The following TMEM165 variants were observed in gnomAD, a reference collection of about 807,000 sequenced individuals.
The protein encoded by TMEM165 is transmembrane protein 165.
Under a neutral mutation model 30.0 loss-of-function variants are expected in TMEM165, and 19 were observed. The ratio of observed to expected loss-of-function variants is 0.63; its 90% CI spans 0.44 to 0.93. The LOEUF (loss-of-function observed/expected upper bound fraction) is 0.93. TMEM165 is among the 40% of genes least tolerant of loss of function. TMEM165 has a pLI of 0.00. For missense variants in TMEM165, 340 were observed against 417.0 expected, an observed-to-expected ratio of 0.82 and a Z score of 1.61; for synonymous variants, 168 against 162.9, an observed-to-expected ratio of 1.03 and a Z score of -0.24.
At chr4:55,446,603 C>A (rs1462503271) in intron 3 of TMEM165, among the ~76,000 whole-genome samples, 1 of 152,088 alleles carries the variant, frequency 6.6e-6, no homozygotes, top group Non-Finnish European at 1.5e-5. Flanking sequence ...AATGAATAAA[C>A]GCATACATGA....
chr4:55,396,496 G>C (rs893667642), intron 1 of TMEM165, 100 bp downstream of exon 1: 2 of 1,082,298 alleles, frequency 1.8e-6, no homozygotes, highest in Non-Finnish European at 1.2e-6. Flanking sequence ...GGCCTCGGCT[G>C]GGGGAGGGGA....
At chr4:55,443,332 T>C (rs1040871704) in intron 3 of TMEM165, among the ~76,000 whole-genome samples, 3 of 151,858 alleles carry the variant, frequency 2.0e-5, no homozygotes, top group Non-Finnish European at 2.9e-5. Flanking sequence ...AAAATCAGCC[T>C]GGCATGGTGG....
At chr4:55,425,258 A>C (rs1195109084) in intron 5 of TMEM165, 118 bp from the exon 6 acceptor site, 1 of 752,220 alleles carries the variant, frequency 1.3e-6, no homozygotes, top group Non-Finnish European at 2.2e-6. Context: ...ATTTGTTTTC[A>C]AGGTTAGTTT....
chr4:55,425,658 G>C lies in TMEM165; in HGVS notation c.*206G>C. 1 of 481,886 alleles carries C rather than the reference G, an allele frequency of 2.1e-6. No homozygotes were observed. Among genetic ancestry groups the C allele is most frequent in the Non-Finnish European group, 3.6e-6 (1 of 274,062 alleles). 29.9% of individuals were successfully genotyped at this position (481,886 alleles called of 1,614,324 possible). A position where few individuals can be genotyped will look rare whatever the true frequency, so the allele number is the denominator to read the frequency against. On this transcript the variant is annotated 3_prime_UTR_variant, in exon 6 of 6. Transcript: ENST00000381334. ...AAAGAAACCTGACTTCTAAGTGTGGGTTTTTCTTCTCTCCAACATAATTAT... is the reference window on the plus strand; with the variant it reads ...AAAGAAACCTGACTTCTAAGTGTGGCTTTTTCTTCTCTCCAACATAATTAT...
chr4:55,398,283 A>G (rs1417377077), intron 1 of TMEM165, among the ~76,000 whole-genome samples: 3 of 152,210 alleles, frequency 2.0e-5, no homozygotes, highest in Non-Finnish European at 4.4e-5. Flanking sequence ...AGATTCTGAT[A>G]TGGGAGGGAA....
intron 3 of TMEM165, chr4:55,433,446 T>A (rs1378158185): frequency 1.3e-5 from 2 of 152,508 alleles, no homozygotes; most frequent in Non-Finnish European, 2.9e-5. Context: ...GCCTTAAGGA[T>A]AACAGCAAAG....
At chr4:55,448,203 G>T (rs113697210) in intron 3 of TMEM165, among the ~76,000 whole-genome samples, 3 of 152,254 alleles carry the variant, frequency 2.0e-5, no homozygotes, top group African/African-American at 7.2e-5. Flanking sequence ...TGGTTTTTTA[G>T]TTCATATATT....
At chr4:55,450,235 A>T (rs765289673) in intron 3 of TMEM165, 1 of 1,613,940 alleles carries the variant, frequency 6.2e-7, no homozygotes, top group Non-Finnish European at 8.5e-7. Context: ...TCTTGGCTCT[A>T]TGGAGACAGA....
intron 3 of TMEM165, among the ~76,000 whole-genome samples, chr4:55,441,865 A>G (rs1218841367): frequency 1.3e-5 from 2 of 152,164 alleles, no homozygotes; most frequent in African/African-American, 4.8e-5. Flanking sequence ...ATGCTTAAGC[A>G]CTCAAGCACT....
At chr4:55,401,067 G>A (rs1720976497) in intron 1 of TMEM165, among the ~76,000 whole-genome samples, 3 of 150,470 alleles carry the variant, frequency 2.0e-5, no homozygotes, top group Admixed American at 1.3e-4. Context: ...ATGGAGGGGG[G>A]AAGCATCTCT....
intron 3 of TMEM165, chr4:55,433,315 CT>C (rs1722646102): frequency 6.6e-6 from 1 of 152,608 alleles, no homozygotes; most frequent in Non-Finnish European, 1.5e-5. Context: ...TGATTGATAT[CT>C]AGTCACACTT....
At chr4:55,444,360 A>G (rs1450632645) in intron 3 of TMEM165, among the ~76,000 whole-genome samples, 2 of 152,182 alleles carry the variant, frequency 1.3e-5, no homozygotes, top group Non-Finnish European at 2.9e-5. Context: ...GTAAAATATA[A>G]TTTTTATATT....
downstream of TMEM165, chr4:55,427,932 C>CTT (rs1393002426): frequency 6.6e-6 from 1 of 152,090 alleles, no homozygotes; most frequent in East Asian, 1.9e-4. Context: ...ATTTAATAGT[C>CTT]TTTCTTTAAA....
At chr4:55,449,992 T>A (rs901878977) in intron 3 of TMEM165, 2 of 1,406,960 alleles carry the variant, frequency 1.4e-6, no homozygotes, top group Non-Finnish European at 2.0e-6. Context: ...TAAAAACTTA[T>A]AATTTTAAAG....
At chr4:55,438,269 T>C (rs201487137) in intron 3 of TMEM165, 2 of 1,613,994 alleles carry the variant, frequency 1.2e-6, no homozygotes, top group Admixed American at 1.7e-5. Flanking sequence ...AGCTTCCCCA[T>C]GGGGAGAATT....
At chr4:55,424,768 T>G (rs1328845646) in intron 5 of TMEM165, 125 bp downstream of exon 5, 1 of 619,636 alleles carries the variant, frequency 1.6e-6, no homozygotes, top group Non-Finnish European at 2.8e-6. Flanking sequence ...ACCTACCATC[T>G]CTTATAGAGG....
chr4:55,452,948 G>T, exon 4 of TMEM165: 1 of 796,404 alleles, frequency 1.3e-6, no homozygotes, highest in South Asian at 1.6e-5. Context: ...CGTTATAAGT[G>T]AGGAAATAAA....
At chr4:55,422,652 A>AT (rs1722029119) in intron 4 of TMEM165, among the ~76,000 whole-genome samples, 1 of 149,660 alleles carries the variant, frequency 6.7e-6, no homozygotes, top group African/African-American at 2.5e-5. Context: ...TGCTTTATTT[A>AT]TTTATTTTTT....
At chr4:55,438,892 T>C (rs1723118285) in intron 3 of TMEM165, among the ~76,000 whole-genome samples, 1 of 151,906 alleles carries the variant, frequency 6.6e-6, no homozygotes, top group South Asian at 2.1e-4. Flanking sequence ...GAAGAAAACA[T>C]AGGGGAAAAG....
Sources: allele counts gnomAD v4.1 joint callset (sites outside exome capture counted in the v4.1 genomes callset), GRCh38; gene constraint gnomAD v4.1.1; transcripts MANE v1.5; gene names NCBI Gene and HGNC (gene_info 2026-07-23, HGNC 2026-07-21).